The following ENTREP2 variants were observed in gnomAD, a reference collection of about 807,000 sequenced individuals.
ENTREP2 encodes the protein protein ENTREP2.
At chr15:29,560,145 A>C in the ENTREP2 span, among the ~76,000 whole-genome samples, 1 of 152,184 alleles carries the variant, frequency 6.6e-6, no homozygotes, top group African/African-American at 2.4e-5. Context: ...TGTATTTTTG[A>C]AGAAGAATCA....
chr15:29,467,141 A>T, the ENTREP2 span, among the ~76,000 whole-genome samples: 1 of 152,048 alleles, frequency 6.6e-6, no homozygotes, highest in Non-Finnish European at 1.5e-5. Flanking sequence ...CCTCCAGAGG[A>T]ACAGCAGCAG....
chr15:29,573,997 AT>A, the ENTREP2 span, among the ~76,000 whole-genome samples: 1 of 152,182 alleles, frequency 6.6e-6, no homozygotes, highest in African/African-American at 2.4e-5. Context: ...GGAGTGAATC[AT>A]AAAGAAAGAA....
At chr15:29,396,685 G>A in the ENTREP2 span, among the ~76,000 whole-genome samples, 3 of 152,122 alleles carry the variant, frequency 2.0e-5, no homozygotes, top group African/African-American at 7.2e-5. Flanking sequence ...TCACTGCCAA[G>A]CCCAGGGTTG....
chr15:29,124,578 G>C, the ENTREP2 span: 23 of 877,360 alleles, frequency 2.6e-5, no homozygotes, highest in Non-Finnish European at 3.7e-5. Context: ...CCATTCCCGG[G>C]GGTGGGGTGA....
At chr15:29,561,293 C>T in the ENTREP2 span, among the ~76,000 whole-genome samples, 2 of 151,846 alleles carry the variant, frequency 1.3e-5, no homozygotes, top group African/African-American at 4.8e-5. Flanking sequence ...ATATCTGCAC[C>T]CCCATGTTCT....
the ENTREP2 span, among the ~76,000 whole-genome samples, chr15:29,176,199 T>A: frequency 2.0e-5 from 3 of 152,184 alleles, no homozygotes; most frequent in Non-Finnish European, 4.4e-5. Flanking sequence ...TCCTTAAAGA[T>A]ACAGACCTCT....
chr15:29,155,653 C>T, the ENTREP2 span, among the ~76,000 whole-genome samples: 1 of 152,206 alleles, frequency 6.6e-6, no homozygotes, highest in African/African-American at 2.4e-5. Context: ...ACGCCCACCC[C>T]AGGGAGTCTG....
the ENTREP2 span, among the ~76,000 whole-genome samples, chr15:29,624,026 C>T: frequency 6.6e-6 from 1 of 152,186 alleles, no homozygotes; most frequent in African/African-American, 2.4e-5. Flanking sequence ...GCGTGAGCCA[C>T]CGCACCAGGC....
At chr15:29,306,994 C>A in the ENTREP2 span, among the ~76,000 whole-genome samples, 1 of 152,002 alleles carries the variant, frequency 6.6e-6, no homozygotes, top group African/African-American at 2.4e-5. Context: ...GCAATCCACC[C>A]TCCTCGGCCT....
chr15:29,214,705 T>TA, the ENTREP2 span, among the ~76,000 whole-genome samples: 168 of 147,284 alleles, frequency 1.1e-3, 1 homozygote, highest in African/African-American at 3.6e-3. Flanking sequence ...AAAAAAAATG[T>TA]AAAAAAAAAA....
the ENTREP2 span, among the ~76,000 whole-genome samples, chr15:29,241,709 A>G: frequency 7.8e-4 from 119 of 152,356 alleles, no homozygotes; most frequent in African/African-American, 2.5e-3. Flanking sequence ...CAGTAAGAAA[A>G]GTATGATGGG....
the ENTREP2 span, chr15:29,121,653 T>C: frequency 1.3e-5 from 2 of 152,240 alleles, no homozygotes; most frequent in Non-Finnish European, 2.9e-5. Context: ...ATTTCCTGTT[T>C]TATAGTCTGA....
the ENTREP2 span, among the ~76,000 whole-genome samples, chr15:29,368,871 A>G: frequency 6.6e-6 from 1 of 151,818 alleles, no homozygotes; most frequent in African/African-American, 2.4e-5. Context: ...ACAGAACAAG[A>G]CTCTGTCTGA....
the ENTREP2 span, among the ~76,000 whole-genome samples, chr15:29,598,897 C>T: frequency 4.6e-5 from 7 of 152,104 alleles, no homozygotes; most frequent in South Asian, 4.1e-4. Context: ...GGGGTTTCAC[C>T]GTGTTAGCCA....
At chr15:29,384,422 G>A in the ENTREP2 span, among the ~76,000 whole-genome samples, 6 of 152,034 alleles carry the variant, frequency 3.9e-5, no homozygotes, top group Admixed American at 6.6e-5. Flanking sequence ...TCACCTGCCC[G>A]ATGACAGCCT....
the ENTREP2 span, among the ~76,000 whole-genome samples, chr15:29,521,522 C>T: frequency 0.012 from 1,752 of 152,234 alleles, 35 homozygotes; most frequent in African/African-American, 0.041. Flanking sequence ...AGTAGTATAA[C>T]GCCCAGGAGA....
chr15:29,380,476 C>A, the ENTREP2 span, among the ~76,000 whole-genome samples: 1 of 152,174 alleles, frequency 6.6e-6, no homozygotes, highest in African/African-American at 2.4e-5. Flanking sequence ...GCCACGCTGT[C>A]TTTTTCATTA....
chr15:29,161,338 C>A, the ENTREP2 span, among the ~76,000 whole-genome samples: 5 of 152,194 alleles, frequency 3.3e-5, no homozygotes, highest in African/African-American at 1.2e-4. Flanking sequence ...CATGTGCAGG[C>A]ATCCGTGGTG....
chr15:29,535,008 G>A, the ENTREP2 span, among the ~76,000 whole-genome samples: 40 of 152,236 alleles, frequency 2.6e-4, 2 homozygotes, highest in Admixed American at 2.5e-3. Flanking sequence ...CATTTTGGGA[G>A]GCTGATGCAG....
Sources: allele counts gnomAD v4.1 joint callset (sites outside exome capture counted in the v4.1 genomes callset), GRCh38; gene constraint gnomAD v4.1.1; transcripts MANE v1.5; gene names NCBI Gene and HGNC (gene_info 2026-07-23, HGNC 2026-07-21).